The following FBXW4 variants were observed in gnomAD, a reference collection of about 807,000 sequenced individuals.
FBXW4 encodes F-box and WD repeat domain containing 4.
In FBXW4, 40 loss-of-function variants were observed where a neutral mutation model predicts 61.8. The ratio of observed to expected loss-of-function variants is 0.65; its 90% confidence interval spans 0.50 to 0.84. FBXW4 has a LOEUF of 0.84. Among genes scored for constraint, FBXW4 ranks in the 40% least tolerant of loss-of-function variants. FBXW4 has a pLI of 0.00. For synonymous variants in FBXW4, 311 were observed against 313.8 expected (o/e 0.99, Z 0.10); for missense variants, 672 against 753.8 (o/e 0.89, Z 1.27).
At chr10:101,680,689 TAA>T (rs1390432100) in intron 1 of FBXW4, among the ~76,000 whole-genome samples, 1 of 152,210 alleles carries the variant, frequency 6.6e-6, no homozygotes, top group African/African-American at 2.4e-5. Context: ...TAATTTGATA[TAA>T]GAGTGTGGAT....
At chr10:101,647,526 T>G (rs2064111509) in intron 5 of FBXW4, among the ~76,000 whole-genome samples, 1 of 152,080 alleles carries the variant, frequency 6.6e-6, no homozygotes, top group South Asian at 2.1e-4. Flanking sequence ...TGGAATCGAT[T>G]TTTTTTCCCC....
In FBXW4 at chr10:101,676,323, A is replaced by G. The variant is rs1013575776; in HGVS notation, c.821+18T>C. ...TTTATGTCCCAAGTAGCTTTTAAAA[A>G]GTCAAGAGGCTACTTGCCTGCATCT... On this transcript the variant is annotated intron_variant, in intron 2 of 8. Transcript: ENST00000331272. 8 of 1,607,768 alleles carry G rather than the reference A, an allele frequency of 5.0e-6. No homozygotes were observed. The Admixed American group carries it at 1.0e-4, about 20-fold the overall frequency.
intron 6 of FBXW4, among the ~76,000 whole-genome samples, chr10:101,624,270 TAA>T (rs202127189): frequency 5.9e-4 from 80 of 136,002 alleles, no homozygotes; most frequent in Non-Finnish European, 8.3e-4. Flanking sequence ...ATTAGAAAGT[TAA>T]AAAAAAAAAA....
intron 6 of FBXW4, among the ~76,000 whole-genome samples, chr10:101,620,422 A>G (rs543068804): frequency 6.6e-6 from 1 of 152,294 alleles, no homozygotes; most frequent in Non-Finnish European, 1.5e-5. Context: ...TCGCTGTACC[A>G]CTTGGTCCTC....
intron 5 of FBXW4, among the ~76,000 whole-genome samples, chr10:101,653,324 C>A (rs1489930535): frequency 1.3e-5 from 2 of 152,194 alleles, no homozygotes; most frequent in Non-Finnish European, 1.5e-5. Context: ...CAACATAAAC[C>A]ATTTAACTGC....
At chr10:101,673,773 A>C (rs2064381767) in intron 2 of FBXW4, 100 bp from the exon 3 acceptor site, 1 of 1,127,630 alleles carries the variant, frequency 8.9e-7, no homozygotes, top group Non-Finnish European at 1.3e-6. Flanking sequence ...CTTAGTAAGG[A>C]TAACCAACAA....
At chr10:101,665,612 T>C (rs899175637) in intron 5 of FBXW4, among the ~76,000 whole-genome samples, 1 of 152,192 alleles carries the variant, frequency 6.6e-6, no homozygotes, top group Non-Finnish European at 1.5e-5. Context: ...AGTCATGTAG[T>C]AGCAGTAATA....
At chr10:101,640,484 C>CTTTTTTTTTT (rs386372272) in intron 5 of FBXW4, among the ~76,000 whole-genome samples, 17 of 83,890 alleles carry the variant, frequency 2.0e-4, no homozygotes, top group East Asian at 4.1e-4. Context: ...CTTTCTTTCT[C>CTTTTTTTTTT]TTTTTTTTTT....
At chr10:101,614,249 T>A (rs2063810062) in intron 6 of FBXW4, among the ~76,000 whole-genome samples, 1 of 152,186 alleles carries the variant, frequency 6.6e-6, no homozygotes, top group Non-Finnish European at 1.5e-5. Flanking sequence ...TCTATAGAAG[T>A]AATTTCATGT....
chr10:101,675,615 A>G (rs1428886255), intron 2 of FBXW4, among the ~76,000 whole-genome samples: 1 of 152,214 alleles, frequency 6.6e-6, no homozygotes, highest in African/African-American at 2.4e-5. Flanking sequence ...GGTTCATCAG[A>G]TGAAGAGGGC....
chr10:101,632,786 T>C (rs1222904831), intron 5 of FBXW4, among the ~76,000 whole-genome samples: 3 of 152,260 alleles, frequency 2.0e-5, no homozygotes, highest in East Asian at 3.9e-4. Context: ...AAGGTGTCCC[T>C]GTACTAAAGC....
intron 2 of FBXW4, 92 bp from the exon 3 acceptor site, chr10:101,673,765 T>C: frequency 1.7e-6 from 2 of 1,211,288 alleles, no homozygotes; most frequent in Non-Finnish European, 2.3e-6. Context: ...ATCCCCAACT[T>C]AGTAAGGATA....
At chr10:101,690,832 G>A (rs2064591765) in intron 1 of FBXW4, among the ~76,000 whole-genome samples, 5 of 152,276 alleles carry the variant, frequency 3.3e-5, no homozygotes, top group Middle Eastern at 3.4e-3. Context: ...AGCACAGTGC[G>A]TGTGTGTGCG....
Position 101,673,488 on chromosome 10 carries a change from C to A in FBXW4, c.1007G>T (p.Gly336Val). The A allele has an allele frequency of 6.2e-7, 1 of 1,613,904 alleles. No homozygotes were observed. The highest frequency in any genetic ancestry group is 8.5e-7 in the Non-Finnish European group (1 of 1,179,842). The change falls in exon 3 of 9, where the codon GGG becomes GTG. Residue 336 changes from glycine to valine, a missense_variant and splice_region_variant. Gly to Val is a moderately radical substitution (Grantham distance 109, BLOSUM62 -3). Transcript: ENST00000331272. ...LANSHIVSAG[G>V]DGKIGIHKIH... ...GGAAGGAGAAACCTATAGCACTTAC[C>A]CTCCTGCACTAACAATATGCGAGTT...
In FBXW4 at chr10:101,694,347, G is replaced by A; in HGVS notation, c.725+34C>T. 1 of 1,346,036 alleles carries A rather than the reference G, an allele frequency of 7.4e-7. No individual in the cohort carries two copies. The allele number at this position is 1,346,036 out of a possible 1,614,324, so 83.4% of individuals were successfully genotyped here. ...CTTTCCCGGGACGCGGGGCCGGCTC[G>A]GGGCGGGGAGCGGGCGGGCGAGCGG... On this transcript the variant is annotated intron_variant, in intron 1 of 8. Coordinates refer to ENST00000331272, the MANE Select transcript of FBXW4 (RefSeq NM_022039.4). This position sits in a 1 kb window ranked among gnomAD's most constrained non-coding sequence, Gnocchi z 6.0.
chr10:101,659,593 T>C (rs2064223354), intron 5 of FBXW4, among the ~76,000 whole-genome samples: 1 of 152,190 alleles, frequency 6.6e-6, no homozygotes, highest in South Asian at 2.1e-4. Context: ...AGGGTGCTGA[T>C]GGGAAGGAGA....
At chr10:101,684,005 C>A (rs2064505722) in intron 1 of FBXW4, among the ~76,000 whole-genome samples, 1 of 152,056 alleles carries the variant, frequency 6.6e-6, no homozygotes, top group Non-Finnish European at 1.5e-5. Context: ...ACTGTGTCAC[C>A]CAGGCTGGAG....
At position 101,633,466 on chromosome 10, in the gene FBXW4, A is replaced by C. The variant is rs566752325; in HGVS notation, c.1236-8656T>G. Among the ~76,000 whole-genome samples, 5 of 152,210 alleles carry C rather than the reference A, an allele frequency of 3.3e-5. No homozygotes were observed. The South Asian group carries it at 8.3e-4, about 25-fold the overall frequency. On this transcript the variant is annotated intron_variant, in intron 5 of 8. Coordinates refer to ENST00000331272, the MANE Select transcript of FBXW4 (RefSeq NM_022039.4). ...CTGTTAGGGGGTAGTGGGTTAGGGG[A>C]GGGATAGCATTAGGAGAAATACCTA...
intron 5 of FBXW4, among the ~76,000 whole-genome samples, chr10:101,661,137 G>T (rs2064239446): frequency 6.6e-6 from 1 of 152,208 alleles, no homozygotes; most frequent in African/African-American, 2.4e-5. Flanking sequence ...TGTATCCACA[G>T]TATTCAGCCG....
Sources: allele counts gnomAD v4.1 joint callset (sites outside exome capture counted in the v4.1 genomes callset), GRCh38; gene constraint gnomAD v4.1.1; non-coding constraint Gnocchi (gnomAD v3.1); transcripts MANE v1.5; gene names NCBI Gene and HGNC (gene_info 2026-07-23, HGNC 2026-07-21).